SMCR8: variants seen among roughly 807,000 people sequenced by gnomAD.
SMCR8 encodes guanine nucleotide exchange protein SMCR8.
A neutral mutation model predicts 56.6 loss-of-function variants in SMCR8; 30 were observed. The observed-to-expected ratio is 0.53, with a 90% CI of 0.40 to 0.72. The LOEUF is 0.72. Ranked by LOEUF, SMCR8 falls within the 30% of genes least tolerant of loss-of-function variation. SMCR8 has a pLI of 0.00. For missense variants in SMCR8, 1,198 were observed against 1,157.0 expected (o/e 1.04, Z -0.51); for synonymous variants, 538 against 456.0 (o/e 1.18, Z -2.29).
chr17:18,323,151 T>G lies in SMCR8; in HGVS notation c.*81T>G. 1 of 1,225,792 alleles carries G rather than the reference T, an allele frequency of 8.2e-7. No individual in the cohort carries two copies. The highest frequency in any genetic ancestry group is 1.2e-6 in the Non-Finnish European group (1 of 868,786). The allele number at this position is 1,225,792 out of a possible 1,614,324, so 75.9% of individuals were successfully genotyped here. ...GGGTTGGCATGACCAAACAGTTGCCTGAGCTGGACTGTTTAAGTTTCTGGT... is the reference window on the plus strand; with the variant it reads ...GGGTTGGCATGACCAAACAGTTGCCGGAGCTGGACTGTTTAAGTTTCTGGT... On this transcript the variant is annotated 3_prime_UTR_variant, in exon 2 of 2. Coordinates refer to ENST00000406438, the MANE Select transcript of SMCR8 (RefSeq NM_144775.3).
intron 1 of SMCR8, 47 bp downstream of exon 1, chr17:18,318,196 G>A (rs1213892119): frequency 6.4e-7 from 1 of 1,553,438 alleles, no homozygotes; most frequent in Non-Finnish European, 8.8e-7. Context: ...AGATAGGGAT[G>A]AGGTATATTG....
At position 18,324,740 on chromosome 17, in the gene SMCR8, T is replaced by C. The variant is rs1409927706; in HGVS notation, c.*1670T>C. On this transcript the variant is annotated 3_prime_UTR_variant, in exon 2 of 2. Coordinates refer to ENST00000406438, the MANE Select transcript of SMCR8 (RefSeq NM_144775.3). ...CGTTTTAAGGGCATGGCCCGTTGGCTCCAGCCGTTGGCTTCTGTTCAGGGT... is the reference window on the plus strand; with the variant it reads ...CGTTTTAAGGGCATGGCCCGTTGGCCCCAGCCGTTGGCTTCTGTTCAGGGT... The C allele has an allele frequency of 6.6e-6, 1 of 152,290 alleles. No homozygotes were observed. The highest frequency in any genetic ancestry group is 2.4e-5 in the African/African-American group (1 of 41,470). 9.4% of individuals were successfully genotyped at this position (152,290 alleles called of 1,614,324 possible).
At chr17:18,318,291 C>T in intron 1 of SMCR8, 142 bp downstream of exon 1, 1 of 801,164 alleles carries the variant, frequency 1.2e-6, no homozygotes, top group Non-Finnish European at 2.0e-6. Flanking sequence ...AGTCATCCCC[C>T]TCTCTGGTTT....
At chr17:18,320,908 A>G (rs1466065841) in intron 1 of SMCR8, among the ~76,000 whole-genome samples, 1 of 152,142 alleles carries the variant, frequency 6.6e-6, no homozygotes, top group African/African-American at 2.4e-5. Context: ...CGAATCCCCC[A>G]GGTCTTCCCA....
Position 18,315,970 on chromosome 17 carries a change from T to A in SMCR8, c.181T>A (p.Ser61Thr), listed in dbSNP as rs1357810524. 1 of 1,614,038 alleles carries A rather than the reference T, an allele frequency of 6.2e-7. No individual in the cohort carries two copies. Among genetic ancestry groups the A allele is most frequent in the Non-Finnish European group, 8.5e-7 (1 of 1,180,036 alleles). Residue 61 changes from serine (S) to threonine (T), a missense_variant, in exon 1 of 2, where the codon TCC becomes ACC. By Grantham distance (58) the Ser-to-Thr change is moderately conservative. Transcript: ENST00000406438. Reference protein sequence around the residue: ...AKFSRDFILISEFSEQVGPQP... With the variant: ...AKFSRDFILITEFSEQVGPQP... ...GTTTTCGAGGGACTTCATTCTTATT[T>A]CCGAGTTCTCTGAGCAGGTGGGACC... is the stretch of plus-strand genomic sequence containing the variant.
Position 18,316,835 on chromosome 17 carries a change from T to C in SMCR8, c.1046T>C (p.Leu349Pro), listed in dbSNP as rs1457142736. The change falls in exon 1 of 2, where the codon CTG becomes CCG. Residue 349 changes from leucine (L) to proline (P), a missense_variant. Transcript: ENST00000406438. ...ATTGAACACATGTTCAGAGGAGACCTGTGTTACCTCCTGACCAGTCAGATT... is the reference window on the plus strand; with the variant it reads ...ATTGAACACATGTTCAGAGGAGACCCGTGTTACCTCCTGACCAGTCAGATT... ...SHIEHMFRGD[L>P]CYLLTSQIDR... is the part of the protein sequence containing the mutation. 1 of 1,614,218 alleles carries C rather than the reference T, an allele frequency of 6.2e-7. No homozygotes were observed. The highest frequency in any genetic ancestry group is 1.1e-5 in the South Asian group (1 of 91,090).
Position 18,327,437 on chromosome 17 carries a change from A to G in SMCR8, c.*4367A>G, listed in dbSNP as rs781615020. 3.3e-5 allele frequency: 5 copies of G among 152,276 alleles called. No individual in the cohort carries two copies. The highest frequency in any genetic ancestry group is 5.9e-5 in the Non-Finnish European group (4 of 68,070). 9.4% of individuals were successfully genotyped at this position (152,276 alleles called of 1,614,324 possible). Reference sequence around the variant, plus strand: ...CCCCTAAATTGAAGACCACTTTGGTAGCAGAACTGTAGGGACTGGTGAGTC... The same window carrying G: ...CCCCTAAATTGAAGACCACTTTGGTGGCAGAACTGTAGGGACTGGTGAGTC... On this transcript the variant is annotated 3_prime_UTR_variant, in exon 2 of 2. Transcript: ENST00000406438.
chr17:18,322,630 G>A lies in SMCR8; in HGVS notation c.2374G>A (p.Ala792Thr). ...LIGLQRVASP[A>T]GAGTLHALSR... is the part of the protein sequence containing the mutation. Reference sequence around the variant, plus strand: ...TGTCTGTTTCAGAGTGGCCTCCCCTGCCGGTGCCGGTACCCTCCATGCCCT... The same window carrying A: ...TGTCTGTTTCAGAGTGGCCTCCCCTACCGGTGCCGGTACCCTCCATGCCCT... The change falls in exon 2 of 2, where the codon GCC becomes ACC. Residue 792 changes from alanine (A) to threonine (T), a missense_variant. Transcript: ENST00000406438. 6.2e-7 allele frequency: 1 copy of A among 1,613,244 alleles called. No homozygotes were observed. The highest frequency in any genetic ancestry group is 8.5e-7 in the Non-Finnish European group (1 of 1,179,470).
chr17:18,315,709 C>G lies in SMCR8; in HGVS notation c.-81C>G, dbSNP rs1331194452. 12 of 1,362,004 alleles carry G rather than the reference C, an allele frequency of 8.8e-6. No individual in the cohort carries two copies. Among genetic ancestry groups the G allele is most frequent in the Non-Finnish European group, 1.2e-5 (12 of 999,640 alleles). The allele number at this position is 1,362,004 out of a possible 1,614,324, so 84.4% of individuals were successfully genotyped here. ...GCCGTAAGGGCTTCACTTCCTTCTCCGGAGGCCTGCCTTCTGCGCGTCGAT... is the reference window on the plus strand; with the variant it reads ...GCCGTAAGGGCTTCACTTCCTTCTCGGGAGGCCTGCCTTCTGCGCGTCGAT... On this transcript the variant is annotated 5_prime_UTR_variant, in exon 1 of 2. Transcript: ENST00000406438.
rs758132153 is a variant in SMCR8, at chr17:18,323,109, G to C, written c.*39G>C. 2 of 1,565,686 alleles carry C rather than the reference G, an allele frequency of 1.3e-6. No homozygotes were observed. The highest frequency in any genetic ancestry group is 1.4e-5 in the African/African-American group (1 of 73,860). On this transcript the variant is annotated 3_prime_UTR_variant, in exon 2 of 2. Transcript: ENST00000406438. ...CACTGTGACCAAGACCTGTGACTCA[G>C]GGTATGGGGAGGGGAGGGGTTGGCA...
In SMCR8 at chr17:18,317,316, C is replaced by A. The variant is rs1263587168; in HGVS notation, c.1527C>A (p.His509Gln). 1.2e-6 allele frequency: 2 copies of A among 1,614,154 alleles called. No homozygotes were observed. Among genetic ancestry groups the A allele is most frequent in the Non-Finnish European group, 1.7e-6 (2 of 1,180,040 alleles). The change falls in exon 1 of 2, where the codon CAC becomes CAA. Residue 509 changes from histidine (H) to glutamine (Q), a missense_variant. Transcript: ENST00000406438. ...TGGTCCGGAGCAAAGCAGTCAGCCA[C>A]AGGACCATCAGCGAGGACAGTATTG... ...PQVVRSKAVS[H>Q]RTISEDSIEV...
intron 1 of SMCR8, among the ~76,000 whole-genome samples, chr17:18,321,512 CAT>C (rs1472255430): frequency 6.6e-6 from 1 of 152,266 alleles, no homozygotes; most frequent in Non-Finnish European, 1.5e-5. Flanking sequence ...AAGCACAACT[CAT>C]TTTGTCTCCA....
In SMCR8 at chr17:18,316,225, GC is replaced by G; in HGVS notation, c.439del (p.Arg147ValfsTer4). Reference protein sequence around the residue: ...VHHLTLYDLEARGFVRPFCMA... With the variant: ...VHHLTLYDLEXRGFVRPFCMA... Reference sequence around the variant, plus strand: ...CCACCTTACCCTATACGACCTGGAGGCCCGTGGCTTCGTGAGGCCGTTTTGC... The same window carrying G: ...CCACCTTACCCTATACGACCTGGAGGCCGTGGCTTCGTGAGGCCGTTTTGC... On this transcript the variant is annotated frameshift_variant, in exon 1 of 2. Transcript: ENST00000406438. LOFTEE classifies it high-confidence loss of function. 1 of 1,613,782 alleles carries G rather than the reference GC, an allele frequency of 6.2e-7. No homozygotes were observed. Among genetic ancestry groups the G allele is most frequent in the Non-Finnish European group, 8.5e-7 (1 of 1,180,028 alleles).
At position 18,316,834 on chromosome 17, in the gene SMCR8, C is replaced by A. The variant is rs376640683; in HGVS notation, c.1045C>A (p.Leu349Met). 1.9e-6 allele frequency: 3 copies of A among 1,614,084 alleles called. No homozygotes were observed. In the Admixed American group the frequency reaches 5.0e-5, roughly 27 times the overall value. ...CATTGAACACATGTTCAGAGGAGACCTGTGTTACCTCCTGACCAGTCAGAT... is the reference window on the plus strand; with the variant it reads ...CATTGAACACATGTTCAGAGGAGACATGTGTTACCTCCTGACCAGTCAGAT... Reference protein sequence around the residue: ...SHIEHMFRGDLCYLLTSQIDR... With the variant: ...SHIEHMFRGDMCYLLTSQIDR... Residue 349 changes from leucine (L) to methionine (M), a missense_variant, in exon 1 of 2, where the codon CTG becomes ATG. Transcript: ENST00000406438.
rs1982570619 is a variant in SMCR8, at chr17:18,323,761, A to G, written c.*691A>G. On this transcript the variant is annotated 3_prime_UTR_variant, in exon 2 of 2. Coordinates refer to ENST00000406438, the MANE Select transcript of SMCR8 (RefSeq NM_144775.3). ...TGCCTGTGAGCGGGCCTTGGGACTC[A>G]CTCCCCATACTCTTTCACCAGGAAC... 6.5e-6 allele frequency: 1 copy of G among 153,102 alleles called. No individual in the cohort carries two copies. 9.5% of individuals were successfully genotyped at this position (153,102 alleles called of 1,614,324 possible).
Position 18,316,459 on chromosome 17 carries a change from T to C in SMCR8, c.670T>C (p.Phe224Leu), listed in dbSNP as rs1204983576. ...EIQKKANDKG[F>L]YSSQAIEKAN... is the part of the protein sequence containing the mutation. ...CCAGAAGAAAGCCAACGACAAAGGC[T>C]TTTACTCATCTCAGGCAATTGAGAA... Residue 224 changes from phenylalanine to leucine, a missense_variant, in exon 1 of 2, where the codon TTT (phenylalanine) becomes CTT (leucine). Transcript: ENST00000406438. 6.2e-7 allele frequency: 1 copy of C among 1,613,958 alleles called. No individual in the cohort carries two copies. The highest frequency in any genetic ancestry group is 8.5e-7 in the Non-Finnish European group (1 of 1,180,022).
rs1190597458 is a variant in SMCR8 at position 18,315,681 on chromosome 17, A to G, written c.-109A>G. On this transcript the variant is annotated 5_prime_UTR_variant, in exon 1 of 2. Transcript: ENST00000406438. ...ACCCCGGGTTCGGGGAGTCGCAAAG[A>G]AGGCCGTAAGGGCTTCACTTCCTTC... 2.8e-6 allele frequency: 3 copies of G among 1,090,402 alleles called. No homozygotes were observed. The highest frequency in any genetic ancestry group is 3.9e-6 in the Non-Finnish European group (3 of 760,316). 67.5% of individuals were successfully genotyped at this position (1,090,402 alleles called of 1,614,324 possible).
At chr17:18,318,722 T>C (rs1282603160) in intron 1 of SMCR8, among the ~76,000 whole-genome samples, 1 of 152,126 alleles carries the variant, frequency 6.6e-6, no homozygotes, top group East Asian at 1.9e-4. Context: ...TTTAAAATCA[T>C]GGATTCCTGA....
Position 18,316,621 on chromosome 17 carries a change from G to A in SMCR8, c.832G>A (p.Ala278Thr). Residue 278 changes from alanine to threonine, a missense_variant, in exon 1 of 2, where the codon GCC becomes ACC. Physicochemically the swap from Ala to Thr is moderately conservative, Grantham distance 58. Transcript: ENST00000406438. ...TGAGATGGAGCACATCCAGGATCAG[G>A]CCAGCCAGGCATCCACTACCTCTAA... is the stretch of plus-strand genomic sequence containing the variant. Reference protein sequence around the residue: ...PGEMEHIQDQASQASTTSNPD... With the variant: ...PGEMEHIQDQTSQASTTSNPD... 1 of 1,614,184 alleles carries A rather than the reference G, an allele frequency of 6.2e-7. No homozygotes were observed. Among genetic ancestry groups the A allele is most frequent in the Non-Finnish European group, 8.5e-7 (1 of 1,180,034 alleles).
Sources: gnomAD v4.1 joint callset for allele counts (sites outside exome capture counted in the v4.1 genomes callset) on GRCh38, gnomAD v4.1.1 for gene constraint, MANE v1.5 for transcripts, NCBI Gene and HGNC (gene_info 2026-07-23, HGNC 2026-07-21) for gene names.